The following DYTN variants were observed in gnomAD, a reference collection of about 807,000 sequenced individuals.
DYTN encodes dystrotelin.
DYTN carries 75 observed loss-of-function variants against 69.6 expected under a neutral mutation model. The observed-to-expected ratio is 1.08, with a 90% confidence interval of 0.89 to 1.31. The LOEUF (loss-of-function observed/expected upper bound fraction) is 1.31, where lower values mean the gene tolerates loss of function less well. Among genes scored for constraint, DYTN ranks in the 50% most tolerant of loss-of-function variants. The pLI is 0.00. For missense variants in DYTN, 726 were observed against 688.4 expected, an observed-to-expected ratio of 1.05 and a Z score of -0.61; for synonymous variants, 252 against 249.1, an observed-to-expected ratio of 1.01 and a Z score of -0.11.
chr2:206,684,768 G>T (rs960974456), intron 9 of DYTN, among the ~76,000 whole-genome samples: 13 of 151,548 alleles, frequency 8.6e-5, no homozygotes, highest in African/African-American at 3.2e-4. Context: ...TTCTTCTTGA[G>T]TTTTTTTTCT....
At chr2:206,698,610 G>T (rs1421061887) in intron 7 of DYTN, among the ~76,000 whole-genome samples, 2 of 152,090 alleles carry the variant, frequency 1.3e-5, no homozygotes, top group Non-Finnish European at 2.9e-5. Context: ...TACACCTGGT[G>T]GTTTCTTTCT....
chr2:206,694,148 T>TG (rs1699893955), intron 8 of DYTN, among the ~76,000 whole-genome samples: 1 of 152,210 alleles, frequency 6.6e-6, no homozygotes, highest in African/African-American at 2.4e-5. Context: ...ATGTTCTTTC[T>TG]GGGAAAAAAT....
chr2:206,656,798 T>C lies in DYTN; in HGVS notation c.1634-4877A>G, dbSNP rs1156714594. On this transcript the variant is annotated intron_variant, in intron 11 of 11. Transcript: ENST00000452335. ...TTTTTTTGAGACGGAGTTTCACTCT[T>C]TTTGCCCAGGCTGGAGTGCAATGGC... Among the ~76,000 whole-genome samples, 5 of 151,872 alleles carry C rather than the reference T, an allele frequency of 3.3e-5. No individual in the cohort carries two copies. In the East Asian group the frequency reaches 9.7e-4, roughly 29 times the overall value.
At chr2:206,670,353 G>A (rs1200240555) in intron 9 of DYTN, 2 of 151,636 alleles carry the variant, frequency 1.3e-5, no homozygotes, top group Non-Finnish European at 2.9e-5. Context: ...GGAATCACAG[G>A]ATTTCTTGGC....
At chr2:206,693,373 G>C in intron 8 of DYTN, 50 bp from the exon 9 acceptor site, 1 of 1,556,290 alleles carries the variant, frequency 6.4e-7, no homozygotes, top group Non-Finnish European at 8.7e-7. Context: ...GTCTACGTGT[G>C]GTCTTCCTTC....
rs1461962506 is a variant in DYTN, at chr2:206,693,187, T to A, written c.968A>T (p.His323Leu). ...DQVNPKGVPH[H>L]AQARLLKKQL... ...CGCAGCCACTCACCTGGCCTGCGCA[T>A]GGTGAGGCACACCCTTTGGATTCAC... The change falls in exon 9 of 12, where the codon CAT becomes CTT. Residue 323 changes from histidine to leucine, a missense_variant. Coordinates refer to ENST00000452335, the MANE Select transcript of DYTN (RefSeq NM_001093730.1). 1 of 1,611,556 alleles carries A rather than the reference T, an allele frequency of 6.2e-7. No homozygotes were observed. Among genetic ancestry groups the A allele is most frequent in the South Asian group, 1.1e-5 (1 of 90,882 alleles).
At chr2:206,668,682 G>C (rs1699599469) in intron 9 of DYTN, among the ~76,000 whole-genome samples, 1 of 152,126 alleles carries the variant, frequency 6.6e-6, no homozygotes, top group Non-Finnish European at 1.5e-5. Flanking sequence ...GCAGTTAAAT[G>C]TTATTTAATT....
At chr2:206,674,437 A>C (rs1251548911) in intron 9 of DYTN, among the ~76,000 whole-genome samples, 2 of 152,174 alleles carry the variant, frequency 1.3e-5, no homozygotes, top group Non-Finnish European at 2.9e-5. Context: ...GAACAAATAA[A>C]AAATTTATGA....
At chr2:206,675,723 G>C (rs186651745) in intron 9 of DYTN, among the ~76,000 whole-genome samples, 1 of 152,110 alleles carries the variant, frequency 6.6e-6, no homozygotes, top group Admixed American at 6.6e-5. Context: ...TTCAAGATTC[G>C]TTGAGAAGAA....
At chr2:206,668,370 T>G (rs1390414935) in intron 9 of DYTN, among the ~76,000 whole-genome samples, 1 of 152,182 alleles carries the variant, frequency 6.6e-6, no homozygotes, top group Non-Finnish European at 1.5e-5. Flanking sequence ...CTTTTCTTCT[T>G]CTGCTTCTTT....
At chr2:206,652,220 C>T (rs1157939584) in intron 11 of DYTN, among the ~76,000 whole-genome samples, 1 of 152,126 alleles carries the variant, frequency 6.6e-6, no homozygotes, top group African/African-American at 2.4e-5. Flanking sequence ...ATAAAAATCA[C>T]CTGGAGATTG....
In DYTN at chr2:206,694,847, G is replaced by T; in HGVS notation, c.750C>A (p.Asp250Glu). Residue 250 changes from aspartate (D) to glutamate (E), a missense_variant, in exon 8 of 12, where the codon GAC becomes GAA. Asp to Glu is a conservative substitution (Grantham distance 45). Coordinates refer to ENST00000452335, the MANE Select transcript of DYTN (RefSeq NM_001093730.1). ...RYRCLKCLNF[D>E]ICQMCFLSGL... ...CAGATAAGAAACACATCTGGCAGAT[G>T]TCAAAGTTGAGACACTTCAGACAGC... is the stretch of plus-strand genomic sequence containing the variant. The T allele has an allele frequency of 6.2e-7, 1 of 1,608,512 alleles. No individual in the cohort carries two copies. The highest frequency in any genetic ancestry group is 8.5e-7 in the Non-Finnish European group (1 of 1,177,836).
chr2:206,664,783 T>C (rs35137015), intron 10 of DYTN, among the ~76,000 whole-genome samples: 14,879 of 152,284 alleles, frequency 0.098, 895 homozygotes, highest in Non-Finnish European at 0.14. Flanking sequence ...TGTAATTACA[T>C]TGGCAGTGAC....
At chr2:206,716,586 T>A (rs982253489) in intron 1 of DYTN, among the ~76,000 whole-genome samples, 1 of 152,134 alleles carries the variant, frequency 6.6e-6, no homozygotes, top group African/African-American at 2.4e-5. Context: ...TAAAAATGCT[T>A]AGTTTTCAGA....
intron 11 of DYTN, among the ~76,000 whole-genome samples, chr2:206,660,309 A>G (rs1699498019): frequency 6.6e-6 from 1 of 152,190 alleles, no homozygotes; most frequent in African/African-American, 2.4e-5. Flanking sequence ...CCCTTGAACT[A>G]TGAATGAATC....
At chr2:206,673,594 T>C (rs1201220171) in intron 9 of DYTN, among the ~76,000 whole-genome samples, 1 of 146,352 alleles carries the variant, frequency 6.8e-6, no homozygotes, top group Non-Finnish European at 1.5e-5. Flanking sequence ...GATCTTATGA[T>C]ACTGAGTTGG....
intron 11 of DYTN, among the ~76,000 whole-genome samples, chr2:206,660,107 C>T (rs1232712327): frequency 2.0e-5 from 3 of 151,014 alleles, no homozygotes; most frequent in Non-Finnish European, 4.4e-5. Flanking sequence ...CTCAATGGTT[C>T]TATTGAGATT....
chr2:206,702,094 G>A (rs1487799056), intron 5 of DYTN, among the ~76,000 whole-genome samples: 3 of 152,116 alleles, frequency 2.0e-5, no homozygotes, highest in African/African-American at 2.4e-5. Context: ...ATATTTCAAC[G>A]GCTCAATCTG....
In DYTN at chr2:206,718,304, A is replaced by T; in HGVS notation, c.-25T>A. ...TTTCACAAATTTCCTGGAATGACAG[A>T]TGGCAAGTGGGTCCCTGTAACTAGA... On this transcript the variant is annotated 5_prime_UTR_variant, in exon 1 of 12. Transcript: ENST00000452335. 6.2e-7 allele frequency: 1 copy of T among 1,601,136 alleles called. No homozygotes were observed. Among genetic ancestry groups the T allele is most frequent in the Non-Finnish European group, 8.5e-7 (1 of 1,173,586 alleles).
Sources: gnomAD v4.1 joint callset for allele counts (sites outside exome capture counted in the v4.1 genomes callset) on GRCh38, gnomAD v4.1.1 for gene constraint, MANE v1.5 for transcripts, NCBI Gene and HGNC (gene_info 2026-07-23, HGNC 2026-07-21) for gene names.